The following MAN1B1 variants were observed in gnomAD, a reference collection of about 807,000 sequenced individuals.
MAN1B1 encodes mannosidase alpha class 1B member 1.
A neutral mutation model predicts 75.5 loss-of-function variants in MAN1B1; 66 were observed. The observed-to-expected ratio is 0.87, with a 90% CI of 0.72 to 1.07. The LOEUF (loss-of-function observed/expected upper bound fraction) is 1.07, where lower values mean the gene tolerates loss of function less well. Among genes scored for constraint, MAN1B1 ranks in the 50% least tolerant of loss-of-function variants. The pLI is 0.00. For missense variants in MAN1B1, 973 were observed against 912.5 expected, an observed-to-expected ratio of 1.07 and a Z score of -0.85; for synonymous variants, 453 against 382.8, an observed-to-expected ratio of 1.18 and a Z score of -2.14.
intron 2 of MAN1B1, 195 bp downstream of exon 2, chr9:137,088,378 A>C (rs1296998090): frequency 2.5e-6 from 4 of 1,585,178 alleles, no homozygotes; most frequent in Non-Finnish European, 8.5e-7. Context: ...ATGCTGTCTG[A>C]CTACTTTCTA....
chr9:137,089,619 T>C (rs1830466728), intron 3 of MAN1B1, among the ~76,000 whole-genome samples: 1 of 152,022 alleles, frequency 6.6e-6, no homozygotes, highest in Non-Finnish European at 1.5e-5. Flanking sequence ...GAGGGTCCAG[T>C]TGATGTATGC....
intron 9 of MAN1B1, 163 bp downstream of exon 9, chr9:137,106,478 G>A (rs1831111744): frequency 3.2e-6 from 3 of 947,918 alleles, no homozygotes; most frequent in Non-Finnish European, 4.7e-6. Flanking sequence ...CATTTATGTG[G>A]AGGGCGTATT....
intron 6 of MAN1B1, among the ~76,000 whole-genome samples, 164 bp from the exon 7 acceptor site, chr9:137,100,841 A>G (rs1830788837): frequency 6.6e-6 from 1 of 152,146 alleles, no homozygotes; most frequent in Non-Finnish European, 1.5e-5. Context: ...GCTGGTCTCT[A>G]ACTCCTGGGC....
chr9:137,091,521 A>T (rs111789301), intron 3 of MAN1B1, among the ~76,000 whole-genome samples: 11,056 of 90,228 alleles, frequency 0.12, 1,345 homozygotes, highest in African/African-American at 0.36. Context: ...TTTGTTTTAT[A>T]TTTTTTTTTT....
chr9:137,090,657 A>G (rs549587012), intron 3 of MAN1B1, among the ~76,000 whole-genome samples: 189 of 151,948 alleles, frequency 1.2e-3, no homozygotes, highest in African/African-American at 4.5e-3. Flanking sequence ...CTCCTGCCTC[A>G]GCTTCCCGAG....
rs147718581 is a variant in MAN1B1, at chr9:137,101,646, C to T, written c.1228C>T (p.Arg410Cys). Residue 410 changes from arginine to cysteine, a missense_variant, in exon 8 of 13, where the codon CGT becomes TGT. Transcript: ENST00000371589. Reference sequence around the variant, plus strand: ...TCAGCTGGAGTTCCGGGAGCTCTCCCGTCTCACAGGGGATAAGAAGTTTCA... The same window carrying T: ...TCAGCTGGAGTTCCGGGAGCTCTCCTGTCTCACAGGGGATAAGAAGTTTCA... ...SIQLEFRELS[R>C]LTGDKKFQEA... 7.8e-5 allele frequency: 126 copies of T among 1,612,886 alleles called. No homozygotes were observed. The South Asian group carries it at 1.1e-3, about 14-fold the overall frequency.
At chr9:137,100,867 G>A (rs1830789236) in intron 6 of MAN1B1, 138 bp from the exon 7 acceptor site, 3 of 916,538 alleles carry the variant, frequency 3.3e-6, no homozygotes, top group South Asian at 2.8e-5. Context: ...CAATCCACTT[G>A]CCTCAGCCTC....
chr9:137,102,937 C>A, intron 8 of MAN1B1: 1 of 346,002 alleles, frequency 2.9e-6, no homozygotes, highest in Non-Finnish European at 5.5e-6. Context: ...TGCAGGCATG[C>A]AGGTCGGTGG....
Position 137,087,112 on chromosome 9 carries a change from A to G in MAN1B1, c.113A>G (p.Tyr38Cys), listed in dbSNP as rs777633941. The change falls in exon 1 of 13, where the codon TAC becomes TGC. Residue 38 changes from tyrosine (Y) to cysteine (C), a missense_variant. Coordinates refer to ENST00000371589, the MANE Select transcript of MAN1B1 (RefSeq NM_016219.5). ...GCCGTCGCCACCACTGTAGTCATGT[A>G]CCCACCGCCGCCGCCGCCGCCTCAT... ...PWAVATTVVM[Y>C]PPPPPPPHRD... 1.9e-6 allele frequency: 3 copies of G among 1,593,060 alleles called. No individual in the cohort carries two copies. The East Asian group carries it at 6.8e-5, about 36-fold the overall frequency.
chr9:137,104,296 C>T (rs943365330), intron 8 of MAN1B1: 10 of 351,876 alleles, frequency 2.8e-5, no homozygotes, highest in African/African-American at 1.7e-4. Context: ...AGTGCAGTGG[C>T]GTGATCTCAG....
intron 10 of MAN1B1, 152 bp from the exon 11 acceptor site, chr9:137,107,098 C>T (rs1831138341): frequency 1.2e-5 from 10 of 854,016 alleles, no homozygotes; most frequent in Non-Finnish European, 1.8e-5. Context: ...GTCCAGGCAG[C>T]TCCGCTGTTC....
chr9:137,091,128 C>A (rs1830502415), intron 3 of MAN1B1, among the ~76,000 whole-genome samples: 1 of 152,260 alleles, frequency 6.6e-6, no homozygotes, highest in South Asian at 2.1e-4. Context: ...TGACCAAGGT[C>A]TTTGTCTACA....
chr9:137,108,384 A>G lies in MAN1B1; in HGVS notation c.1897-4A>G, dbSNP rs764733756. 6.2e-7 allele frequency: 1 copy of G among 1,613,346 alleles called. No homozygotes were observed. Among genetic ancestry groups the G allele is most frequent in the Non-Finnish European group, 8.5e-7 (1 of 1,179,788 alleles). The stretch of plus-strand genomic sequence containing the variant: ...GTGGTGACGAGGCCCTGGCTGCTGC[A>G]CAGGTCCCCTCGGGTGGCTATTCTT... On this transcript the variant is annotated splice_polypyrimidine_tract_variant and splice_region_variant and intron_variant, in intron 12 of 12. Coordinates refer to ENST00000371589, the MANE Select transcript of MAN1B1 (RefSeq NM_016219.5).
At position 137,107,448 on chromosome 9, in the gene MAN1B1, GTGGGCC is replaced by G; in HGVS notation, c.1764+12_1764+17del. The G allele has an allele frequency of 6.2e-7, 1 of 1,613,386 alleles. No homozygotes were observed. The highest frequency in any genetic ancestry group is 8.5e-7 in the Non-Finnish European group (1 of 1,179,986). On this transcript the variant is annotated splice_donor_variant and splice_donor_5th_base_variant and intron_variant, in intron 11 of 12. Coordinates refer to ENST00000371589, the MANE Select transcript of MAN1B1 (RefSeq NM_016219.5). LOFTEE classifies it high-confidence loss of function. The stretch of plus-strand genomic sequence containing the variant: ...GGGCCGTCGGGACGTGGAGGTCAAG[GTGGGCC>G]TGGGCCTGGGTCAGGGTCCATCAGG...
rs575316488 is a variant in MAN1B1, at chr9:137,108,984, A to T, written c.*393A>T. ...GCTCGTGAAGCCTCAGATGTCCCCA[A>T]TCCAAGGGTCTGGAGGGGCTGCCGT... On this transcript the variant is annotated 3_prime_UTR_variant, in exon 13 of 13. Transcript: ENST00000371589. 4.3e-6 allele frequency: 2 copies of T among 462,650 alleles called. No individual in the cohort carries two copies. The highest frequency in any genetic ancestry group is 3.1e-5 in the South Asian group (2 of 64,578). 28.7% of individuals were successfully genotyped at this position (462,650 alleles called of 1,614,324 possible).
intron 5 of MAN1B1, among the ~76,000 whole-genome samples, chr9:137,099,153 G>A (rs1440431981): frequency 1.3e-5 from 2 of 152,238 alleles, no homozygotes; most frequent in South Asian, 2.1e-4. Context: ...AAAAGGGAAC[G>A]AAGGGACTGT....
chr9:137,102,345 G>GTCGGTGGTGTTACA (rs1830864697), intron 8 of MAN1B1: 1 of 441,772 alleles, frequency 2.3e-6, no homozygotes. Context: ...AGGCGTGCAG[G>GTCGGTGGTGTTACA]TCGGTGGTGT....
In MAN1B1 at chr9:137,106,225, A is replaced by T; in HGVS notation, c.1355A>T (p.His452Leu). Residue 452 changes from histidine to leucine, a missense_variant, in exon 9 of 13, where the codon CAC becomes CTC. His to Leu is a moderately conservative substitution (Grantham distance 99). Coordinates refer to ENST00000371589, the MANE Select transcript of MAN1B1 (RefSeq NM_016219.5). ...FINTHSGLFT[H>L]LGVFTLGARA... ...AATACCCACAGTGGCCTCTTCACCCACCTGGGCGTATTCACGCTGGGCGCC... is the reference window on the plus strand; with the variant it reads ...AATACCCACAGTGGCCTCTTCACCCTCCTGGGCGTATTCACGCTGGGCGCC... The T allele has an allele frequency of 6.2e-7, 1 of 1,606,774 alleles. No individual in the cohort carries two copies. Among genetic ancestry groups the T allele is most frequent in the East Asian group, 2.2e-5 (1 of 44,712 alleles).
At chr9:137,102,531 C>G (rs879234475) in intron 8 of MAN1B1, 1 of 411,108 alleles carries the variant, frequency 2.4e-6, no homozygotes. Flanking sequence ...CTGTTGCAGG[C>G]GTGCAGGTCG....
Sources: gnomAD v4.1 joint callset for allele counts (sites outside exome capture counted in the v4.1 genomes callset) on GRCh38, gnomAD v4.1.1 for gene constraint, MANE v1.5 for transcripts, NCBI Gene and HGNC (gene_info 2026-07-23, HGNC 2026-07-21) for gene names.